EPSTI1: variants seen among roughly 807,000 people sequenced by gnomAD.
EPSTI1 encodes the protein epithelial stromal interaction 1.
Under a neutral mutation model 49.9 loss-of-function variants are expected in EPSTI1, and 66 were observed. That is an observed-to-expected ratio of 1.32 (90% CI 1.08 to 1.62). The LOEUF (loss-of-function observed/expected upper bound fraction) is 1.62, where lower values mean the gene tolerates loss of function less well. EPSTI1 is among the 40% of genes most tolerant of loss of function. The probability of loss-of-function intolerance (pLI) is 0.00; values close to 1 mark genes in which losing one functional copy is unlikely to be tolerated. For synonymous variants in EPSTI1, 137 were observed against 130.7 expected (o/e 1.05, Z -0.33); for missense variants, 394 against 365.5 (o/e 1.08, Z -0.64).
chr13:42,915,294 G>A (rs1318619009), intron 8 of EPSTI1, among the ~76,000 whole-genome samples: 4 of 152,336 alleles, frequency 2.6e-5, no homozygotes, highest in Admixed American at 2.0e-4. Flanking sequence ...CACTTTGGGA[G>A]GCCAAGGCAG....
At chr13:42,937,417 T>C (rs1391961339) in intron 6 of EPSTI1, among the ~76,000 whole-genome samples, 2 of 152,230 alleles carry the variant, frequency 1.3e-5, no homozygotes, top group Non-Finnish European at 2.9e-5. Flanking sequence ...GTGTGTAGCA[T>C]GCAATGCCGT....
chr13:42,967,709 G>T (rs2039659014), intron 3 of EPSTI1, among the ~76,000 whole-genome samples: 1 of 152,120 alleles, frequency 6.6e-6, no homozygotes, highest in African/African-American at 2.4e-5. Flanking sequence ...GCAGAGAGTG[G>T]GGGATGCTGA....
rs74062105 is a variant in EPSTI1 at position 42,976,934 on chromosome 13, A to T, written c.189-6264T>A. Among the ~76,000 whole-genome samples, 1,336 of 152,332 alleles carry T rather than the reference A, an allele frequency of 8.8e-3. 22 individuals are homozygous for T. The highest frequency in any genetic ancestry group is 0.03 in the African/African-American group (1,255 of 41,568). ...AGCTGTACATCCTGCTTTCATTTAT[A>T]AGTGGTTTTCCTAATTTGATTATAT... is the stretch of plus-strand genomic sequence containing the variant. On this transcript the variant is annotated intron_variant, in intron 1 of 10. Coordinates refer to ENST00000313624, the MANE Select transcript of EPSTI1 (RefSeq NM_033255.5).
chr13:42,926,457 G>A, intron 6 of EPSTI1, 28 bp from the exon 7 acceptor site: 1 of 1,227,372 alleles, frequency 8.1e-7, no homozygotes, highest in South Asian at 1.2e-5. Flanking sequence ...AGGTGTTAGT[G>A]CCTTCACAAA....
intron 1 of EPSTI1, among the ~76,000 whole-genome samples, chr13:42,987,809 C>A (rs190317189): frequency 6.6e-6 from 1 of 152,200 alleles, no homozygotes. Context: ...TTAATTAGTT[C>A]TTTTAAGCTA....
intron 2 of EPSTI1, 36 bp downstream of exon 2, chr13:42,970,573 GAGA>G (rs1566170925): frequency 1.3e-6 from 2 of 1,519,786 alleles, no homozygotes; most frequent in Non-Finnish European, 9.0e-7. Flanking sequence ...TGTAAAAAGA[GAGA>G]AGCATTCTGA....
rs2038057241 is a variant in EPSTI1 at position 42,922,919 on chromosome 13, G to A, written c.657+3417C>T. ...AGCTCTGATTCAGGAGGTCTGCAGT[G>A]GGGCCTGAGATTGATCTGCATCTAA... On this transcript the variant is annotated intron_variant, in intron 7 of 10. Coordinates refer to ENST00000313624, the MANE Select transcript of EPSTI1 (RefSeq NM_033255.5). The surrounding 1 kb of genome is among the most constrained non-coding windows in gnomAD (Gnocchi z 4.8). 2.0e-5 allele frequency among the ~76,000 whole-genome samples: 3 copies of A among 152,142 alleles called. No individual in the cohort carries two copies. The South Asian group carries it at 6.2e-4, about 32-fold the overall frequency.
intron 7 of EPSTI1, among the ~76,000 whole-genome samples, chr13:42,919,925 G>A (rs1302411165): frequency 1.3e-5 from 2 of 152,138 alleles, no homozygotes; most frequent in East Asian, 3.9e-4. Context: ...CAAAATCAAG[G>A]TGTCTTCAGG....
At chr13:42,954,835 G>A (rs1000037264) in intron 5 of EPSTI1, among the ~76,000 whole-genome samples, 1 of 152,188 alleles carries the variant, frequency 6.6e-6, no homozygotes, top group Non-Finnish European at 1.5e-5. Context: ...ATCCAAGAGA[G>A]ACAGTAAGGA....
rs1213320778 is a variant in EPSTI1 at position 42,931,196 on chromosome 13, T to A, written c.564-4767A>T. Among the ~76,000 whole-genome samples, 3 of 12,054 alleles carry A rather than the reference T, an allele frequency of 2.5e-4. No homozygotes were observed. In the East Asian group the frequency reaches 3.7e-3, roughly 15 times the overall value. The allele number at this position is 12,054 out of a possible 152,430, so 7.9% of individuals were successfully genotyped here. A position where few individuals can be genotyped will look rare whatever the true frequency, so the allele number is the denominator to read the frequency against. On this transcript the variant is annotated intron_variant, in intron 6 of 10. Coordinates refer to ENST00000313624, the MANE Select transcript of EPSTI1 (RefSeq NM_033255.5). ...GAGCTACCTTTTGCCTACAGCTTTT[T>A]TTTTTTTTTTTTTTTTTTTTGAGAC...
At chr13:42,926,041 A>AAGGAAGGAAGGAAGGAAGGAAGGT (rs770941534) in intron 7 of EPSTI1, among the ~76,000 whole-genome samples, 5,319 of 137,920 alleles carry the variant, frequency 0.039, 270 homozygotes, top group African/African-American at 0.1. Context: ...GGAAGGAAGG[A>AAGGAAGGAAGGAAGGAAGGAAGGT]AGGAAGGTAG....
intron 6 of EPSTI1, among the ~76,000 whole-genome samples, chr13:42,948,481 T>C (rs78179660): frequency 1.3e-5 from 2 of 151,672 alleles, no homozygotes; most frequent in Non-Finnish European, 2.9e-5. Flanking sequence ...TTTGTTTTTG[T>C]TTTTTTCGGT....
chr13:42,889,265 T>G (rs1029229008), intron 10 of EPSTI1: 55 of 1,413,032 alleles, frequency 3.9e-5, no homozygotes, highest in Non-Finnish European at 4.9e-5. Flanking sequence ...AAAAATATAT[T>G]TTTTACATAT....
chr13:42,889,745 TATG>T (rs1356661708), intron 10 of EPSTI1, among the ~76,000 whole-genome samples: 1 of 152,222 alleles, frequency 6.6e-6, no homozygotes, highest in African/African-American at 2.4e-5. Flanking sequence ...CTTACTTTTG[TATG>T]ATATTCTTTT....
chr13:42,917,638 A>AATAT lies in EPSTI1; in HGVS notation c.658-15_658-14insATAT. On this transcript the variant is annotated splice_polypyrimidine_tract_variant and intron_variant, in intron 7 of 10. Coordinates refer to ENST00000313624, the MANE Select transcript of EPSTI1 (RefSeq NM_033255.5). ...CCAGCTTCTGGCCTGTAAAGGTACA[A>AATAT]AGAGAAAAAAAAAAAAAAAAACAAC... The AATAT allele has an allele frequency of 2.6e-5, 26 of 990,172 alleles. No individual in the cohort carries two copies. The highest frequency in any genetic ancestry group is 3.7e-5 in the Non-Finnish European group (25 of 680,134). The allele number at this position is 990,172 out of a possible 1,614,324, so 61.3% of individuals were successfully genotyped here. A position where few individuals can be genotyped will look rare whatever the true frequency, so the allele number is the denominator to read the frequency against.
At chr13:42,978,753 G>C (rs963635930) in intron 1 of EPSTI1, among the ~76,000 whole-genome samples, 1 of 152,124 alleles carries the variant, frequency 6.6e-6, no homozygotes, top group Non-Finnish European at 1.5e-5. Flanking sequence ...GACATCTATT[G>C]CATTGTATGT....
chr13:42,988,060 T>C (rs1163144028), intron 1 of EPSTI1, among the ~76,000 whole-genome samples: 6 of 152,198 alleles, frequency 3.9e-5, no homozygotes, highest in Non-Finnish European at 8.8e-5. Flanking sequence ...AATATATTTT[T>C]ATTTTCTTCA....
Position 42,917,565 on chromosome 13 carries a change from CT to C in EPSTI1, c.716del (p.Lys239ArgfsTer2). 1 of 1,439,918 alleles carries C rather than the reference CT, an allele frequency of 6.9e-7. No homozygotes were observed. The highest frequency in any genetic ancestry group is 1.1e-5 in the South Asian group (1 of 88,610). 89.2% of individuals were successfully genotyped at this position (1,439,918 alleles called of 1,614,324 possible). A position where few individuals can be genotyped will look rare whatever the true frequency, so the allele number is the denominator to read the frequency against. On this transcript the variant is annotated frameshift_variant, in exon 8 of 11. Transcript: ENST00000313624. LOFTEE classifies it high-confidence loss of function. Reference sequence around the variant, plus strand: ...CCTTTTGATGTTGTTCATCCTTCATCTTTTGCAATTTTCTGTTTTCTTCTGC... The same window carrying C: ...CCTTTTGATGTTGTTCATCCTTCATCTTTGCAATTTTCTGTTTTCTTCTGC... ...LKAEENRKLQ[K>X]MKDEQHQKSE...
At chr13:42,971,627 C>A (rs542209070) in intron 1 of EPSTI1, among the ~76,000 whole-genome samples, 2 of 152,272 alleles carry the variant, frequency 1.3e-5, no homozygotes, top group East Asian at 3.9e-4. Flanking sequence ...GGAAAAAACC[C>A]CACCCAGATA....
Sources: allele counts gnomAD v4.1 joint callset (sites outside exome capture counted in the v4.1 genomes callset), GRCh38; gene constraint gnomAD v4.1.1; non-coding constraint Gnocchi (gnomAD v3.1); transcripts MANE v1.5; gene names NCBI Gene and HGNC (gene_info 2026-07-23, HGNC 2026-07-21).